The following ZBTB9 variants were observed in gnomAD, a reference collection of about 807,000 sequenced individuals.
The protein encoded by ZBTB9 is zinc finger and BTB domain-containing protein 9.
ZBTB9 carries 17 observed loss-of-function variants against 26.3 expected under a neutral mutation model. The ratio of observed to expected loss-of-function variants is 0.65; its 90% confidence interval spans 0.44 to 0.97. The LOEUF is 0.97. ZBTB9 is among the 50% of genes least tolerant of loss of function. The probability of loss-of-function intolerance (pLI) is 0.00; values close to 1 mark genes in which losing one functional copy is unlikely to be tolerated. For synonymous variants in ZBTB9, 226 were observed against 234.3 expected (o/e 0.96, Z 0.32); for missense variants, 510 against 594.2 (o/e 0.86, Z 1.47).
At chr6:33,454,987 C>T (rs891449142) in intron 1 of ZBTB9, 43 bp from the exon 2 acceptor site, 11 of 1,475,452 alleles carry the variant, frequency 7.5e-6, no homozygotes, top group African/African-American at 2.8e-5. Flanking sequence ...ATGTGGCTCC[C>T]TTTATCCAGG....
At chr6:33,453,802 C>T (rs913826306), upstream of ZBTB9, 2 of 151,980 alleles carry the variant, frequency 1.3e-5, no homozygotes, top group African/African-American at 4.8e-5. Flanking sequence ...CCACCTGATG[C>T]CACACTCTCC....
chr6:33,455,934 G>GC lies in ZBTB9; in HGVS notation c.840dup (p.Lys281GlnfsTer6), dbSNP rs753957521. Reference sequence around the variant, plus strand: ...TTGAGCTTCCTGCCCCTCCTGCACTGCCCCCCAAAATCTTCTACATTAAGC... The same window carrying GC: ...TTGAGCTTCCTGCCCCTCCTGCACTGCCCCCCCAAAATCTTCTACATTAAGC... On this transcript the variant is annotated frameshift_variant, in exon 2 of 2. Coordinates refer to ENST00000395064, the MANE Select transcript of ZBTB9 (RefSeq NM_152735.4). LOFTEE classifies it high-confidence loss of function. 1.9e-6 allele frequency: 3 copies of GC among 1,612,052 alleles called. No individual in the cohort carries two copies. The highest frequency in any genetic ancestry group is 1.7e-6 in the Non-Finnish European group (2 of 1,178,956).
rs769002954 is a variant in ZBTB9 at position 33,455,820 on chromosome 6, A to G, written c.720A>G (p.Val240=). Residue 240 remains valine, a synonymous_variant, in exon 2 of 2, where the codon GTA becomes GTG. Coordinates refer to ENST00000395064, the MANE Select transcript of ZBTB9 (RefSeq NM_152735.4). ...TLSQTPQPQR[V]SGVFPRPHGP... ...CTCAGACTCCTCAGCCCCAGAGAGTATCAGGGGTTTTTCCCCGTCCTCATG... is the reference window on the plus strand; with the variant it reads ...CTCAGACTCCTCAGCCCCAGAGAGTGTCAGGGGTTTTTCCCCGTCCTCATG... 12 of 1,610,990 alleles carry G rather than the reference A, an allele frequency of 7.4e-6. No homozygotes were observed. The South Asian group carries it at 9.9e-5, about 13-fold the overall frequency.
chr6:33,455,020 TC>T lies in ZBTB9; in HGVS notation c.-71-8del. 6.6e-7 allele frequency: 1 copy of T among 1,512,544 alleles called. No homozygotes were observed. The highest frequency in any genetic ancestry group is 1.4e-5 in the African/African-American group (1 of 71,632). The allele number at this position is 1,512,544 out of a possible 1,614,324, so 93.7% of individuals were successfully genotyped here. ...AGGGCTTCTGTGACCTCCATCTTTT[TC>T]CTCTGCAGCCTTCATCCCGCGTGGA... is the stretch of plus-strand genomic sequence containing the variant. On this transcript the variant is annotated splice_polypyrimidine_tract_variant and intron_variant, in intron 1 of 1. Transcript: ENST00000395064.
rs200435437 is a variant in ZBTB9 at position 33,456,121 on chromosome 6, C to G, written c.1021C>G (p.Pro341Ala). Reference protein sequence around the residue: ...GPGPTSGGGGPSWKPVDLHGN... With the variant: ...GPGPTSGGGGASWKPVDLHGN... The stretch of plus-strand genomic sequence containing the variant: ...AGGGCCAACATCTGGGGGAGGGGGT[C>G]CATCCTGGAAACCAGTGGATCTTCA... The change falls in exon 2 of 2, where the codon CCA (proline) becomes GCA (alanine). Residue 341 changes from proline to alanine, a missense_variant. Around this residue, in one of 2 missense-constraint regions of ZBTB9, gnomAD observed 439 missense variants for 460.4 expected, o/e 0.95. Coordinates refer to ENST00000395064, the MANE Select transcript of ZBTB9 (RefSeq NM_152735.4). The surrounding 1 kb of genome is among the most constrained non-coding windows in gnomAD (Gnocchi z 5.1). The G allele has an allele frequency of 1.9e-6, 3 of 1,612,342 alleles. No homozygotes were observed. Among genetic ancestry groups the G allele is most frequent in the South Asian group, 2.2e-5 (2 of 90,918 alleles).
At position 33,455,380 on chromosome 6, in the gene ZBTB9, G is replaced by A. The variant is rs754246526; in HGVS notation, c.280G>A (p.Asp94Asn). Reference protein sequence around the residue: ...RLTLPSVIEADAFEGLLQLIY... With the variant: ...RLTLPSVIEANAFEGLLQLIY... ...CACTCTACCGAGTGTCATTGAAGCC[G>A]ATGCCTTCGAGGGGCTGCTCCAGCT... The change falls in exon 2 of 2, where the codon GAT (aspartate) becomes AAT (asparagine). Residue 94 changes from aspartate to asparagine, a missense_variant. Around this residue, in one of 2 missense-constraint regions of ZBTB9, gnomAD observed 439 missense variants for 460.4 expected, o/e 0.95. Coordinates refer to ENST00000395064, the MANE Select transcript of ZBTB9 (RefSeq NM_152735.4). 6.8e-6 allele frequency: 11 copies of A among 1,614,040 alleles called. 1 individual carries two copies. The highest frequency in any genetic ancestry group is 2.2e-5 in the South Asian group (2 of 91,088).
At position 33,455,709 on chromosome 6, in the gene ZBTB9, G is replaced by C; in HGVS notation, c.609G>C (p.Leu203=). Residue 203 remains leucine (L), a synonymous_variant, in exon 2 of 2, where the codon CTG becomes CTC. Coordinates refer to ENST00000395064, the MANE Select transcript of ZBTB9 (RefSeq NM_152735.4). The part of the protein sequence containing the change: ...ESPVGGEGSE[L]GEVLQIQVEE... ...CTGTGGGAGGGGAGGGAAGTGAACT[G>C]GGAGAAGTGCTGCAAATTCAGGTGG... is the stretch of plus-strand genomic sequence containing the variant. The C allele has an allele frequency of 6.2e-7, 1 of 1,614,122 alleles. No homozygotes were observed. The highest frequency in any genetic ancestry group is 8.5e-7 in the Non-Finnish European group (1 of 1,180,012).
At position 33,456,166 on chromosome 6, in the gene ZBTB9, G is replaced by T. The variant is rs1432174131; in HGVS notation, c.1066G>T (p.Gly356Trp). ...TCTTCATGGGAATGAAATCCTGTCA[G>T]GGGGTGGAGGACCTGGGGGAGCAGG... is the stretch of plus-strand genomic sequence containing the variant. ...VDLHGNEILS[G>W]GGGPGGAGQA... The change falls in exon 2 of 2, where the codon GGG becomes TGG. Residue 356 changes from glycine (G) to tryptophan (W), a missense_variant. Coordinates refer to ENST00000395064, the MANE Select transcript of ZBTB9 (RefSeq NM_152735.4). The surrounding 1 kb of genome is among the most constrained non-coding windows in gnomAD (Gnocchi z 5.1). The T allele has an allele frequency of 6.2e-7, 1 of 1,608,892 alleles. No homozygotes were observed. The highest frequency in any genetic ancestry group is 8.5e-7 in the Non-Finnish European group (1 of 1,177,326).
chr6:33,455,377 G>A lies in ZBTB9; in HGVS notation c.277G>A (p.Ala93Thr), dbSNP rs1009879391. 3.1e-6 allele frequency: 5 copies of A among 1,614,210 alleles called. No individual in the cohort carries two copies. The highest frequency in any genetic ancestry group is 4.5e-5 in the East Asian group (2 of 44,886). The stretch of plus-strand genomic sequence containing the variant: ...TCTCACTCTACCGAGTGTCATTGAA[G>A]CCGATGCCTTCGAGGGGCTGCTCCA... ...PRLTLPSVIE[A>T]DAFEGLLQLI... The change falls in exon 2 of 2, where the codon GCC becomes ACC. Residue 93 changes from alanine to threonine, a missense_variant. Ala to Thr is a moderately conservative substitution (Grantham distance 58, BLOSUM62 0). Transcript: ENST00000395064.
chr6:33,453,473 C>G (rs1031214704), upstream of ZBTB9: 5 of 144,992 alleles, frequency 3.4e-5, no homozygotes, highest in Admixed American at 3.5e-4. Flanking sequence ...CCCCCCGCCC[C>G]TCTGCTTCCC....
rs563040250 is a variant in ZBTB9 at position 33,455,780 on chromosome 6, G to A, written c.680G>A (p.Gly227Glu). 79 of 1,612,482 alleles carry A rather than the reference G, an allele frequency of 4.9e-5. 1 individual carries two copies. In the South Asian group the frequency reaches 8.4e-4, roughly 17 times the overall value. Residue 227 changes from glycine (G) to glutamate (E), a missense_variant, in exon 2 of 2, where the codon GGG (glycine) becomes GAG (glutamate). Transcript: ENST00000395064. ...EEEDDDDEDQ[G>E]SATLSQTPQP... ...GAAGATGATGATGATGAGGACCAGG[G>A]GTCAGCCACACTCTCTCAGACTCCT...
rs775303801 is a variant in ZBTB9 at position 33,456,146 on chromosome 6, A to G, written c.1046A>G (p.His349Arg). The change falls in exon 2 of 2, where the codon CAT becomes CGT. Residue 349 changes from histidine to arginine, a missense_variant. This residue lies in a region of ZBTB9 where 439 missense variants were observed against 460.4 expected (regional missense o/e 0.95). Transcript: ENST00000395064. This position sits in a 1 kb window ranked among gnomAD's most constrained non-coding sequence, Gnocchi z 5.1. ...CCATCCTGGAAACCAGTGGATCTTC[A>G]TGGGAATGAAATCCTGTCAGGGGGT... ...GGPSWKPVDL[H>R]GNEILSGGGG... 1 of 1,610,996 alleles carries G rather than the reference A, an allele frequency of 6.2e-7. No individual in the cohort carries two copies. Among genetic ancestry groups the G allele is most frequent in the Non-Finnish European group, 8.5e-7 (1 of 1,178,480 alleles).
chr6:33,454,929 C>G, intron 1 of ZBTB9, 101 bp from the exon 2 acceptor site: 1 of 1,088,938 alleles, frequency 9.2e-7, no homozygotes, highest in East Asian at 2.7e-5. Context: ...CCGCCACTGA[C>G]TTAAAAGTTT....
upstream of ZBTB9, chr6:33,453,517 T>C (rs926469230): frequency 2.3e-5 from 3 of 132,868 alleles, no homozygotes; most frequent in Non-Finnish European, 4.7e-5. Context: ...AGGGAGTTGC[T>C]CTTCCTACCT....
At position 33,455,915 on chromosome 6, in the gene ZBTB9, T is replaced by C; in HGVS notation, c.815T>C (p.Leu272Pro). The C allele has an allele frequency of 1.2e-6, 2 of 1,613,032 alleles. No individual in the cohort carries two copies. Among genetic ancestry groups the C allele is most frequent in the Non-Finnish European group, 1.7e-6 (2 of 1,179,420 alleles). Reference protein sequence around the residue: ...LPEGESAPLELPAPPALPPKI... With the variant: ...LPEGESAPLEPPAPPALPPKI... ...GAGGGTGAGAGTGCACCACTTGAGC[T>C]TCCTGCCCCTCCTGCACTGCCCCCC... The change falls in exon 2 of 2, where the codon CTT (leucine) becomes CCT (proline). Residue 272 changes from leucine (L) to proline (P), a missense_variant. By Grantham distance (98) the Leu-to-Pro change is moderately conservative. Around this residue, in one of 2 missense-constraint regions of ZBTB9, gnomAD observed 439 missense variants for 460.4 expected, o/e 0.95. Transcript: ENST00000395064.
In ZBTB9 at chr6:33,457,426, C is replaced by G. The variant is rs990208497; in HGVS notation, c.*904C>G. ...AGGACCATACCTCTTCCTTTCCCAT[C>G]CCACCCACATATGATAGACAGCCCC... On this transcript the variant is annotated 3_prime_UTR_variant, in exon 2 of 2. Coordinates refer to ENST00000395064, the MANE Select transcript of ZBTB9 (RefSeq NM_152735.4). 1 of 167,100 alleles carries G rather than the reference C, an allele frequency of 6.0e-6. No homozygotes were observed. The highest frequency in any genetic ancestry group is 1.5e-5 in the Non-Finnish European group (1 of 68,132). 10.4% of individuals were successfully genotyped at this position (167,100 alleles called of 1,614,324 possible).
upstream of ZBTB9, chr6:33,453,180 ACT>A (rs1761387410): frequency 6.6e-6 from 1 of 150,562 alleles, no homozygotes; most frequent in South Asian, 2.1e-4. Flanking sequence ...ACTCTCCTAG[ACT>A]CTACTCCTCT....
In ZBTB9 at chr6:33,456,534, A is replaced by T; in HGVS notation, c.*12A>T. The T allele has an allele frequency of 6.3e-7, 1 of 1,583,406 alleles. No individual in the cohort carries two copies. The highest frequency in any genetic ancestry group is 1.2e-5 in the South Asian group (1 of 86,858). ...GGACTTACAAGTGACTGCTGAGGCT[A>T]TACACTAGCTTCTAGAACAAGATAA... On this transcript the variant is annotated 3_prime_UTR_variant, in exon 2 of 2. Coordinates refer to ENST00000395064, the MANE Select transcript of ZBTB9 (RefSeq NM_152735.4). The surrounding 1 kb of genome is among the most constrained non-coding windows in gnomAD (Gnocchi z 5.1).
rs971827297 is a variant in ZBTB9, at chr6:33,456,645, T to C, written c.*123T>C. On this transcript the variant is annotated 3_prime_UTR_variant, in exon 2 of 2. Transcript: ENST00000395064. This position sits in a 1 kb window ranked among gnomAD's most constrained non-coding sequence, Gnocchi z 5.1. ...AATCATGCCAAGAGAATAGATACAT[T>C]ATGGACCTCTTGTTCTTAGATATGG... 13 of 1,455,260 alleles carry C rather than the reference T, an allele frequency of 8.9e-6. No individual in the cohort carries two copies. In the Admixed American group the frequency reaches 1.3e-4, roughly 15 times the overall value. 90.1% of individuals were successfully genotyped at this position (1,455,260 alleles called of 1,614,324 possible).
Sources: gnomAD v4.1 joint callset for allele counts on GRCh38, gnomAD v4.1.1 for gene constraint, gnomAD v4.1.1 regional missense constraint, Gnocchi (gnomAD v3.1) non-coding constraint, MANE v1.5 for transcripts, NCBI Gene and HGNC (gene_info 2026-07-23, HGNC 2026-07-21) for gene names.